Variants in APPL1 observed in about 807,000 individuals in gnomAD.
APPL1 encodes adaptor protein, phosphotyrosine interacting with PH domain and leucine zipper 1, also known as DCC-interacting protein 13-alpha.
Under a neutral mutation model 106.8 loss-of-function variants are expected in APPL1, and 42 were observed. That is an observed-to-expected ratio of 0.39 (90% CI 0.31 to 0.51). APPL1 has a LOEUF of 0.51. Among genes scored for constraint, APPL1 ranks in the 20% least tolerant of loss-of-function variants. The pLI, the probability that APPL1 is intolerant of heterozygous loss-of-function variation, is 0.75. For synonymous variants in APPL1, 263 were observed against 281.8 expected (o/e 0.93, Z 0.67); for missense variants, 769 against 858.2 (o/e 0.90, Z 1.30).
rs188116785 is a variant in APPL1, at chr3:57,251,258, T to C, written c.1053-1011T>C. Among the ~76,000 whole-genome samples the C allele has an allele frequency of 5.4e-3, 803 of 149,452 alleles. 9 individuals carry two copies. Among genetic ancestry groups the C allele is most frequent in the Non-Finnish European group, 8.5e-3 (572 of 67,280 alleles). The stretch of plus-strand genomic sequence containing the variant: ...GATACTATAGGCCGGGCTTGGTGGC[T>C]CACGCCTGTAATCCCAGCTCTTTGG... On this transcript the variant is annotated intron_variant, in intron 11 of 21. Coordinates refer to ENST00000288266, the MANE Select transcript of APPL1 (RefSeq NM_012096.3).
chr3:57,240,421 G>A (rs754660086), intron 4 of APPL1, 44 bp from the exon 5 acceptor site: 13 of 1,419,450 alleles, frequency 9.2e-6, no homozygotes, highest in Middle Eastern at 1.8e-4. Context: ...CTGGTTAAAT[G>A]TCTGTGTATA....
At chr3:57,242,173 T>G (rs1461165974) in intron 6 of APPL1, 31 bp downstream of exon 6, 1 of 1,547,072 alleles carries the variant, frequency 6.5e-7, no homozygotes, top group Non-Finnish European at 8.9e-7. Context: ...ACTTATTTCT[T>G]GCAGTGATGT....
intron 4 of APPL1, among the ~76,000 whole-genome samples, chr3:57,238,728 G>A (rs1481865449): frequency 6.6e-6 from 1 of 152,104 alleles, no homozygotes; most frequent in Non-Finnish European, 1.5e-5. Flanking sequence ...ATAGCAAAAT[G>A]TTTTACCGGG....
chr3:57,243,798 G>A (rs2060758597), intron 7 of APPL1, among the ~76,000 whole-genome samples: 1 of 152,134 alleles, frequency 6.6e-6, no homozygotes, highest in Non-Finnish European at 1.5e-5. Context: ...TATAAAATTT[G>A]ATATATTTTA....
chr3:57,242,256 A>C (rs1285109557), intron 6 of APPL1, 114 bp downstream of exon 6: 4 of 763,076 alleles, frequency 5.2e-6, no homozygotes, highest in Non-Finnish European at 8.3e-6. Context: ...AAAATAAGTG[A>C]ACATTACTTA....
chr3:57,266,831 C>G (rs918881822), intron 19 of APPL1, among the ~76,000 whole-genome samples: 2 of 152,230 alleles, frequency 1.3e-5, no homozygotes, highest in African/African-American at 4.8e-5. Context: ...CTTGCCAGAA[C>G]CATTTATTGA....
In APPL1 at chr3:57,260,082, AAATTTGTTTTCC is replaced by A. The variant is rs1234521011; in HGVS notation, c.1659-29_1659-18del. On this transcript the variant is annotated intron_variant, in intron 17 of 21. Transcript: ENST00000288266. ...CATTTACATGATTTCAGCCTAATTA[AAATTTGTTTTCC>A]AATTTTTAAATTATTATTTTAGGTT... 1.9e-6 allele frequency: 3 copies of A among 1,605,940 alleles called. No individual in the cohort carries two copies. In the African/African-American group the frequency reaches 4.0e-5, roughly 22 times the overall value.
At chr3:57,259,659 A>G (rs935702069) in intron 16 of APPL1, 186 bp from the exon 17 acceptor site, 16 of 499,976 alleles carry the variant, frequency 3.2e-5, no homozygotes, top group Middle Eastern at 5.2e-4. Flanking sequence ...TAATTTTCCT[A>G]TAACTTGGAA....
intron 1 of APPL1, chr3:57,230,583 AT>A: frequency 4.1e-6 from 1 of 242,898 alleles, no homozygotes; most frequent in Non-Finnish European, 8.8e-6. Context: ...AAGACCACAC[AT>A]TTCCTTAACT....
At chr3:57,268,215 T>A in intron 20 of APPL1, 183 bp from the exon 21 acceptor site, 2 of 594,988 alleles carry the variant, frequency 3.4e-6, no homozygotes, top group Admixed American at 3.2e-5. Flanking sequence ...ACAGTGATAC[T>A]ATTACCAACA....
At chr3:57,239,038 C>A (rs555483995) in intron 4 of APPL1, among the ~76,000 whole-genome samples, 1 of 152,080 alleles carries the variant, frequency 6.6e-6, no homozygotes, top group Admixed American at 6.5e-5. Flanking sequence ...ACAATCATGG[C>A]GGAAGACGAA....
At chr3:57,250,182 C>T (rs2060795946) in intron 11 of APPL1, among the ~76,000 whole-genome samples, 1 of 151,998 alleles carries the variant, frequency 6.6e-6, no homozygotes, top group Admixed American at 6.6e-5. Flanking sequence ...ACTGTGTCTC[C>T]CTGGCTGCAG....
At chr3:57,231,005 C>T (rs1231281857) in intron 1 of APPL1, among the ~76,000 whole-genome samples, 1 of 150,792 alleles carries the variant, frequency 6.6e-6, no homozygotes, top group East Asian at 2.0e-4. Flanking sequence ...TCAAGTGATT[C>T]TGCTTCCTCA....
At chr3:57,233,946 T>C (rs2060702535) in intron 1 of APPL1, among the ~76,000 whole-genome samples, 1 of 151,856 alleles carries the variant, frequency 6.6e-6, no homozygotes, top group Non-Finnish European at 1.5e-5. Flanking sequence ...TAGCCAGACA[T>C]GGTGGCACAT....
At chr3:57,267,673 T>G in intron 19 of APPL1, 69 bp from the exon 20 acceptor site, 1 of 1,334,898 alleles carries the variant, frequency 7.5e-7, no homozygotes, top group Non-Finnish European at 1.1e-6. Flanking sequence ...CCATCAGTTA[T>G]TTGGATACTT....
chr3:57,249,322 T>C (rs202232482), intron 10 of APPL1, 38 bp from the exon 11 acceptor site: 58 of 1,607,460 alleles, frequency 3.6e-5, no homozygotes, highest in Admixed American at 3.3e-5. Flanking sequence ...ATTTCAGGTA[T>C]GTTGTTATTA....
In APPL1 at chr3:57,252,265, C is replaced by G; in HGVS notation, c.1053-4C>G. ...TTGAGGCTCAAACGTCTCTTCTCTT[C>G]CAGATCTTCAATTTTGCAAGCAGAG... is the stretch of plus-strand genomic sequence containing the variant. On this transcript the variant is annotated splice_polypyrimidine_tract_variant and splice_region_variant and intron_variant, in intron 11 of 21. Coordinates refer to ENST00000288266, the MANE Select transcript of APPL1 (RefSeq NM_012096.3). 1 of 1,608,134 alleles carries G rather than the reference C, an allele frequency of 6.2e-7. No individual in the cohort carries two copies. The highest frequency in any genetic ancestry group is 1.7e-5 in the Admixed American group (1 of 58,986).
intron 2 of APPL1, 28 bp from the exon 3 acceptor site, chr3:57,237,464 T>A: frequency 6.4e-7 from 1 of 1,560,884 alleles, no homozygotes; most frequent in East Asian, 2.3e-5. Context: ...TTCCCAGTAA[T>A]ATGCTAATTT....
intron 11 of APPL1, among the ~76,000 whole-genome samples, chr3:57,251,039 C>A (rs988937274): frequency 5.4e-5 from 8 of 147,588 alleles, no homozygotes; most frequent in African/African-American, 2.0e-4. Context: ...GATCTCCTGA[C>A]CTCGTGATCC....
Sources: gnomAD v4.1 joint callset for allele counts (sites outside exome capture counted in the v4.1 genomes callset) on GRCh38, gnomAD v4.1.1 for gene constraint, MANE v1.5 for transcripts, NCBI Gene and HGNC (gene_info 2026-07-23, HGNC 2026-07-21) for gene names.